Variants in CEP128 observed in about 807,000 individuals in gnomAD.
CEP128 encodes centrosomal protein 128.
Under a neutral mutation model 156.7 loss-of-function variants are expected in CEP128, and 132 were observed. The observed-to-expected ratio is 0.84, with a 90% CI of 0.73 to 0.97. The LOEUF (loss-of-function observed/expected upper bound fraction) is 0.97. CEP128 is among the 50% of genes least tolerant of loss of function. The probability of loss-of-function intolerance (pLI) is 0.00; values close to 1 mark genes in which losing one functional copy is unlikely to be tolerated. For synonymous variants in CEP128, 469 were observed against 448.9 expected (o/e 1.04, Z -0.57); for missense variants, 1,252 against 1,281.9 (o/e 0.98, Z 0.36).
At chr14:80,491,661 C>T (rs1465967473), downstream of CEP128, among the ~76,000 whole-genome samples, 9 of 152,230 alleles carry the variant, frequency 5.9e-5, no homozygotes, top group Admixed American at 3.9e-4. Context: ...CAGGGCACCC[C>T]GGCTGAAAAA....
intron 19 of CEP128, among the ~76,000 whole-genome samples, chr14:80,669,875 G>A (rs989570443): frequency 7.2e-5 from 11 of 152,128 alleles, no homozygotes; most frequent in African/African-American, 1.9e-4. Flanking sequence ...AAGAAAAGAG[G>A]TTTAACTGGC....
At chr14:80,617,217 A>ACC (rs1491470595) in intron 19 of CEP128, among the ~76,000 whole-genome samples, 1,858 of 43,038 alleles carry the variant, frequency 0.043, 176 homozygotes, top group Middle Eastern at 0.1. Context: ...TGTGAATATC[A>ACC]TCTTTTTTTT....
chr14:80,916,705 T>G (rs182787006), intron 2 of CEP128, 143 bp from the exon 3 acceptor site: 17 of 601,356 alleles, frequency 2.8e-5, no homozygotes, highest in Non-Finnish European at 4.2e-5. Context: ...ATACATAGCT[T>G]AAAAACACAA....
chr14:80,881,234 G>A (rs1274192969), intron 8 of CEP128, among the ~76,000 whole-genome samples: 1 of 152,014 alleles, frequency 6.6e-6, no homozygotes, highest in Non-Finnish European at 1.5e-5. Flanking sequence ...GGTGAAAATG[G>A]AGACATTACA....
chr14:80,594,150 G>C (rs1320467978), intron 19 of CEP128, among the ~76,000 whole-genome samples: 1 of 152,064 alleles, frequency 6.6e-6, no homozygotes, highest in Non-Finnish European at 1.5e-5. Flanking sequence ...CAGAACAGAG[G>C]CCTCAGAAAT....
Position 80,520,441 on chromosome 14 carries a change from C to A in CEP128, c.3072+6428G>T, listed in dbSNP as rs12888304. On this transcript the variant is annotated intron_variant, in intron 23 of 24. Coordinates refer to ENST00000555265, the MANE Select transcript of CEP128 (RefSeq NM_152446.5). ...CTAAAAAAACAAACAAACAAACAAACAAAAAACAACATTCATTTACCCTAT... is the reference window on the plus strand; with the variant it reads ...CTAAAAAAACAAACAAACAAACAAAAAAAAAACAACATTCATTTACCCTAT... Among the ~76,000 whole-genome samples, 1,173 of 151,182 alleles carry A rather than the reference C, an allele frequency of 7.8e-3. 17 individuals are homozygous for A. Among genetic ancestry groups the A allele is most frequent in the African/African-American group, 0.026 (1,064 of 41,234 alleles).
At chr14:80,647,106 T>G (rs189025911) in intron 19 of CEP128, among the ~76,000 whole-genome samples, 2 of 74,416 alleles carry the variant, frequency 2.7e-5, no homozygotes, top group East Asian at 4.7e-4. Flanking sequence ...TAAATACACA[T>G]ACACACACAC....
intron 1 of CEP128, among the ~76,000 whole-genome samples, chr14:80,940,578 C>A (rs779536474): frequency 6.6e-6 from 1 of 151,544 alleles, no homozygotes; most frequent in Non-Finnish European, 1.5e-5. Flanking sequence ...ACTCCGGAGG[C>A]TGAGACAGGA....
chr14:80,487,426 G>T (rs150422030), downstream of CEP128, among the ~76,000 whole-genome samples: 432 of 152,188 alleles, frequency 2.8e-3, 7 homozygotes, highest in East Asian at 0.05. Flanking sequence ...CAATAATAAT[G>T]GGAAACTTTA....
At chr14:80,649,630 T>C (rs939862946) in intron 19 of CEP128, among the ~76,000 whole-genome samples, 2 of 152,066 alleles carry the variant, frequency 1.3e-5, no homozygotes, top group African/African-American at 4.8e-5. Context: ...TCAGAATCTC[T>C]TAGGAATGGG....
intron 22 of CEP128, chr14:80,527,363 G>T (rs1340428007): frequency 3.4e-6 from 1 of 296,534 alleles, no homozygotes; most frequent in African/African-American, 2.2e-5. Context: ...TTGAGCCCAG[G>T]AGGCAGAGGT....
At chr14:80,704,028 A>C (rs938313770) in intron 19 of CEP128, among the ~76,000 whole-genome samples, 6 of 152,144 alleles carry the variant, frequency 3.9e-5, no homozygotes, top group Non-Finnish European at 8.8e-5. Flanking sequence ...ATGGTTATTG[A>C]TAAAACTTTA....
chr14:80,793,011 G>C lies in CEP128; in HGVS notation c.1309C>G (p.Arg437Gly), dbSNP rs774821117. The change falls in exon 14 of 25, where the codon CGT (arginine) becomes GGT (glycine). Residue 437 changes from arginine (R) to glycine (G), a missense_variant. Physicochemically the swap from Arg to Gly is moderately radical, Grantham distance 125 (BLOSUM62 -2). Coordinates refer to ENST00000555265, the MANE Select transcript of CEP128 (RefSeq NM_152446.5). ...QNHFDTCEAE[R>G]KHADLQISEL... ...GAGATCTGAAGGTCAGCATGCTTAC[G>C]CTCGGCCTCACATGTGTCAAAGTGA... 1 of 1,614,142 alleles carries C rather than the reference G, an allele frequency of 6.2e-7. No homozygotes were observed. Among genetic ancestry groups the C allele is most frequent in the South Asian group, 1.1e-5 (1 of 91,088 alleles).
chr14:80,571,016 T>C (rs1566786685), intron 20 of CEP128, among the ~76,000 whole-genome samples: 1 of 152,208 alleles, frequency 6.6e-6, no homozygotes, highest in African/African-American at 2.4e-5. Context: ...TCTAAGTAAG[T>C]TGCAACTCCT....
chr14:80,720,402 G>C (rs956088350), intron 19 of CEP128, among the ~76,000 whole-genome samples: 1 of 152,116 alleles, frequency 6.6e-6, no homozygotes, highest in African/African-American at 2.4e-5. Flanking sequence ...ACAGGAAAGG[G>C]CCATGATTAA....
At chr14:80,564,367 A>G (rs186969301) in intron 20 of CEP128, among the ~76,000 whole-genome samples, 1 of 152,220 alleles carries the variant, frequency 6.6e-6, no homozygotes, top group African/African-American at 2.4e-5. Flanking sequence ...ATCATGTTTT[A>G]ATTTGTTCTG....
chr14:80,613,673 A>G (rs944779551), intron 19 of CEP128, among the ~76,000 whole-genome samples: 1 of 152,082 alleles, frequency 6.6e-6, no homozygotes, highest in Non-Finnish European at 1.5e-5. Flanking sequence ...GCTTTATAAG[A>G]GATGGCCTTT....
chr14:80,662,621 T>C (rs939761143), intron 19 of CEP128, among the ~76,000 whole-genome samples: 4 of 152,184 alleles, frequency 2.6e-5, no homozygotes, highest in African/African-American at 9.7e-5. Flanking sequence ...GAGTTGTCTA[T>C]GTAACTATAT....
At chr14:80,694,498 C>T (rs1896821997) in intron 19 of CEP128, among the ~76,000 whole-genome samples, 1 of 152,142 alleles carries the variant, frequency 6.6e-6, no homozygotes, top group Admixed American at 6.6e-5. Flanking sequence ...CTGGAACCAA[C>T]CCAAATGCCC....
Sources: gnomAD v4.1 joint callset for allele counts (sites outside exome capture counted in the v4.1 genomes callset) on GRCh38, gnomAD v4.1.1 for gene constraint, MANE v1.5 for transcripts, NCBI Gene and HGNC (gene_info 2026-07-23, HGNC 2026-07-21) for gene names.